Variants in CELF2 observed in about 807,000 individuals in gnomAD.
The protein encoded by CELF2 is CUGBP Elav-like family member 2, also known as CUG triplet repeat RNA-binding protein 2.
In CELF2, 8 loss-of-function variants were observed where a neutral mutation model predicts 62.6. The observed-to-expected ratio is 0.13, with a 90% CI of 0.07 to 0.23. CELF2 has a LOEUF of 0.23. CELF2 is among the 10% of genes least tolerant of loss of function. CELF2 has a pLI of 1.00. For synonymous variants in CELF2, 258 were observed against 250.0 expected, an observed-to-expected ratio of 1.03 and a Z score of -0.30; for missense variants, 333 against 671.0, an observed-to-expected ratio of 0.50 and a Z score of 5.56.
chr10:11,112,314 TC>T (rs1310079907), intron 1 of CELF2, among the ~76,000 whole-genome samples: 2 of 152,230 alleles, frequency 1.3e-5, no homozygotes, highest in Non-Finnish European at 2.9e-5. Context: ...ACCATCAAGA[TC>T]GCATTCGCTA....
chr10:11,277,609 C>A (rs1236548629), intron 8 of CELF2, among the ~76,000 whole-genome samples: 1 of 152,140 alleles, frequency 6.6e-6, no homozygotes, highest in Non-Finnish European at 1.5e-5. Context: ...AAGTTAAATG[C>A]CTGGTTTTTA....
At chr10:10,731,752 A>G in the CELF2 span, among the ~76,000 whole-genome samples, 9 of 152,296 alleles carry the variant, frequency 5.9e-5, no homozygotes, top group South Asian at 1.9e-3. Flanking sequence ...CCGCAAACCT[A>G]TAACCCTAAG....
the CELF2 span, among the ~76,000 whole-genome samples, chr10:10,705,638 T>A: frequency 2.0e-5 from 3 of 152,200 alleles, no homozygotes; most frequent in African/African-American, 7.2e-5. Flanking sequence ...TTTGGGTTTG[T>A]ATCTTTCCCC....
intron 2 of CELF2, among the ~76,000 whole-genome samples, chr10:10,962,188 CCT>C (rs2049587224): frequency 6.6e-6 from 1 of 152,022 alleles, no homozygotes; most frequent in Admixed American, 6.6e-5. Context: ...GGGAGGCTCT[CCT>C]CTCTCATTTT....
intron 1 of CELF2, among the ~76,000 whole-genome samples, chr10:10,820,390 A>G (rs186482308): frequency 3.3e-5 from 5 of 152,274 alleles, no homozygotes; most frequent in South Asian, 2.1e-4. Context: ...ACTTTGATCA[A>G]TGACTTCCAC....
chr10:10,624,651 T>C, the CELF2 span, among the ~76,000 whole-genome samples: 3 of 152,274 alleles, frequency 2.0e-5, no homozygotes, highest in African/African-American at 4.8e-5. Flanking sequence ...CGATTATATA[T>C]GTTGATTGCA....
At chr10:11,068,622 C>A (rs1291855) in intron 1 of CELF2, among the ~76,000 whole-genome samples, 2 of 151,314 alleles carry the variant, frequency 1.3e-5, no homozygotes, top group African/African-American at 4.9e-5. Flanking sequence ...GTGCAGTGGC[C>A]CGATCTTGGC....
the CELF2 span, among the ~76,000 whole-genome samples, chr10:10,675,911 T>C: frequency 1.3e-5 from 2 of 152,244 alleles, no homozygotes; most frequent in Non-Finnish European, 2.9e-5. Flanking sequence ...ATCACAGTTG[T>C]TTTAAATTCC....
intron 1 of CELF2, among the ~76,000 whole-genome samples, chr10:11,036,149 A>T (rs1001986782): frequency 2.0e-5 from 3 of 152,382 alleles, no homozygotes; most frequent in Admixed American, 2.0e-4. Flanking sequence ...TGCCAAGATT[A>T]AAACAGGTCC....
At chr10:10,885,670 C>A (rs1414362036) in intron 1 of CELF2, among the ~76,000 whole-genome samples, 1 of 152,046 alleles carries the variant, frequency 6.6e-6, no homozygotes, top group Non-Finnish European at 1.5e-5. Flanking sequence ...TGGCATGAAA[C>A]AATGTAAATC....
chr10:11,158,046 A>G (rs962691602), intron 1 of CELF2, among the ~76,000 whole-genome samples: 2 of 152,230 alleles, frequency 1.3e-5, no homozygotes, highest in African/African-American at 4.8e-5. Flanking sequence ...TGGGAAGCGC[A>G]GGCCCCTGTT....
chr10:11,078,635 T>C (rs1292513354), intron 1 of CELF2, among the ~76,000 whole-genome samples: 1 of 152,200 alleles, frequency 6.6e-6, no homozygotes, highest in African/African-American at 2.4e-5. Context: ...ACTGGACTTA[T>C]TTAAAAGCTT....
intron 1 of CELF2, among the ~76,000 whole-genome samples, chr10:11,144,638 A>C (rs896774054): frequency 6.6e-6 from 1 of 151,914 alleles, no homozygotes; most frequent in Non-Finnish European, 1.5e-5. Flanking sequence ...TCATGCCTAT[A>C]ATCTCAGCAC....
At chr10:10,859,543 T>C (rs2133077808) in intron 1 of CELF2, among the ~76,000 whole-genome samples, 1 of 152,314 alleles carries the variant, frequency 6.6e-6, no homozygotes, top group Admixed American at 6.5e-5. Flanking sequence ...ACTGAATTTT[T>C]CAATTAATAG....
chr10:11,022,860 TA>T (rs2138208812), intron 1 of CELF2, among the ~76,000 whole-genome samples: 1 of 152,310 alleles, frequency 6.6e-6, no homozygotes, highest in South Asian at 2.1e-4. Flanking sequence ...GAATTTTTTG[TA>T]AAAACCGACA....
At chr10:11,326,652 CA>C (rs1257589145) in intron 12 of CELF2, among the ~76,000 whole-genome samples, 1 of 152,146 alleles carries the variant, frequency 6.6e-6, no homozygotes, top group Non-Finnish European at 1.5e-5. Flanking sequence ...TGTTTTACAC[CA>C]GGACAATAGC....
chr10:10,741,605 A>G, the CELF2 span, among the ~76,000 whole-genome samples: 2 of 152,084 alleles, frequency 1.3e-5, no homozygotes, highest in Non-Finnish European at 2.9e-5. Context: ...CCTGATTAGA[A>G]GACAGCTATG....
chr10:10,847,742 G>A (rs1218620500), intron 1 of CELF2, among the ~76,000 whole-genome samples: 1 of 152,172 alleles, frequency 6.6e-6, no homozygotes. Flanking sequence ...AATCACCTGG[G>A]CCCTACCCCA....
At chr10:10,984,039 A>T (rs2052450931) in intron 2 of CELF2, among the ~76,000 whole-genome samples, 1 of 152,262 alleles carries the variant, frequency 6.6e-6, no homozygotes, top group African/African-American at 2.4e-5. Context: ...TGTTGAAAAG[A>T]TCATATAGAA....
Sources: allele counts gnomAD v4.1 joint callset (sites outside exome capture counted in the v4.1 genomes callset), GRCh38; gene constraint gnomAD v4.1.1; transcripts MANE v1.5; gene names NCBI Gene and HGNC (gene_info 2026-07-23, HGNC 2026-07-21).